MATR3: variants seen among roughly 807,000 people sequenced by gnomAD.
MATR3 encodes the protein matrin 3.
In MATR3, 4 loss-of-function variants were observed where a neutral mutation model predicts 85.5. The ratio of observed to expected loss-of-function variants is 0.05; its 90% confidence interval spans 0.02 to 0.11. The LOEUF (loss-of-function observed/expected upper bound fraction) is 0.11, where lower values mean the gene tolerates loss of function less well. Ranked by LOEUF, MATR3 falls within the 10% of genes least tolerant of loss-of-function variation. The pLI is 1.00. For missense variants in MATR3, 685 were observed against 1,016.1 expected (o/e 0.67, Z 4.43); for synonymous variants, 336 against 343.1 (o/e 0.98, Z 0.23).
chr5:139,322,311 G>T (rs1755613477), intron 10 of MATR3, 152 bp from the exon 11 acceptor site: 3 of 809,460 alleles, frequency 3.7e-6, no homozygotes, highest in Non-Finnish European at 6.2e-6. Context: ...GTATGGTCAT[G>T]ATGAATGTCT....
intron 5 of MATR3, among the ~76,000 whole-genome samples, chr5:139,316,848 A>G (rs1561938695): frequency 6.6e-6 from 1 of 152,168 alleles, no homozygotes; most frequent in African/African-American, 2.4e-5. Flanking sequence ...ACCCGGCCCC[A>G]TTCTGAAAAT....
At chr5:139,327,681 A>G (rs2152028754) in intron 14 of MATR3, among the ~76,000 whole-genome samples, 1 of 152,188 alleles carries the variant, frequency 6.6e-6, no homozygotes, top group South Asian at 2.1e-4. Context: ...TCAGCCTCCC[A>G]AAATGCTGGG....
At chr5:139,294,404 C>G (rs1437879718) in intron 1 of MATR3, 17 of 180,270 alleles carry the variant, frequency 9.4e-5, no homozygotes, top group Non-Finnish European at 2.0e-4. Flanking sequence ...CTTTCTTTTC[C>G]CGGTGTCTCG....
chr5:139,275,142 ATTTTTTTTTTTTT>A lies in MATR3; in HGVS notation c.-286-963_-286-951del, dbSNP rs750841386. Among the ~76,000 whole-genome samples, 12 of 40,910 alleles carry A rather than the reference ATTTTTTTTTTTTT, an allele frequency of 2.9e-4. 1 individual carries two copies. The highest frequency in any genetic ancestry group is 1.7e-3 in the South Asian group (1 of 592). 26.8% of individuals were successfully genotyped at this position (40,910 alleles called of 152,430 possible). A position where few individuals can be genotyped will look rare whatever the true frequency, so the allele number is the denominator to read the frequency against. On this transcript the variant is annotated intron_variant, in intron 1 of 16. Coordinates refer to ENST00000509990, the Ensembl canonical transcript of MATR3. The stretch of plus-strand genomic sequence containing the variant: ...AGGTGCCCGCCACCACGCCCGGCTA[ATTTTTTTTTTTTT>A]TTTTTTTTTTTTTTTGTATTTTTAG...
At chr5:139,288,187 C>G (rs931305412) in intron 3 of MATR3, among the ~76,000 whole-genome samples, 1 of 152,136 alleles carries the variant, frequency 6.6e-6, no homozygotes, top group African/African-American at 2.4e-5. Context: ...GCACTCCAGC[C>G]TGGGAAACAC....
rs564819602 is a variant in MATR3, at chr5:139,303,107, T to C, written c.-177-4132T>C. Among the ~76,000 whole-genome samples, 3 of 152,202 alleles carry C rather than the reference T, an allele frequency of 2.0e-5. No homozygotes were observed. The South Asian group carries it at 6.2e-4, about 32-fold the overall frequency. ...GAGAAGAGAAAAATTATTTTTTTAT[T>C]TGTTTTGTTTTTTGAGACGATGTTT... On this transcript the variant is annotated intron_variant, in intron 1 of 14. Coordinates refer to ENST00000394805, the MANE Select transcript of MATR3 (RefSeq NM_018834.6).
In MATR3 at chr5:139,326,298, TA is replaced by T; in HGVS notation, c.2493+18del. ...CAGAAATTAAAGGTAAGGTTGAATG[TA>T]AAACAGTTCTTTTGTGAAAACTTAA... On this transcript the variant is annotated intron_variant, in intron 14 of 14. Coordinates refer to ENST00000394805, the MANE Select transcript of MATR3 (RefSeq NM_018834.6). The T allele has an allele frequency of 1.2e-6, 2 of 1,610,648 alleles. No individual in the cohort carries two copies. The highest frequency in any genetic ancestry group is 2.2e-5 in the South Asian group (2 of 91,040).
chr5:139,293,016 C>T (rs778712194), upstream of MATR3, among the ~76,000 whole-genome samples: 1 of 152,128 alleles, frequency 6.6e-6, no homozygotes, highest in Non-Finnish European at 1.5e-5. Flanking sequence ...TGCTGAGAGG[C>T]GGAGGCGGGA....
At chr5:139,321,062 T>A (rs981728650) in intron 9 of MATR3, among the ~76,000 whole-genome samples, 11 of 151,940 alleles carry the variant, frequency 7.2e-5, no homozygotes, top group Admixed American at 7.2e-4. Context: ...GCCAGCTTAT[T>A]ACTTTTTTGC....
At chr5:139,276,805 A>C (rs1753294053) in intron 2 of MATR3, among the ~76,000 whole-genome samples, 1 of 152,188 alleles carries the variant, frequency 6.6e-6, no homozygotes, top group Non-Finnish European at 1.5e-5. Flanking sequence ...CCACCATAAA[A>C]GCTAGTCATG....
chr5:139,329,927 T>C lies in MATR3; in HGVS notation c.*532T>C, dbSNP rs1324093319. Reference sequence around the variant, plus strand: ...CAATTGAAATGCAGGTGCAGTTTTCTGTTAATGTCATGCTGTTGTTTAGGT... The same window carrying C: ...CAATTGAAATGCAGGTGCAGTTTTCCGTTAATGTCATGCTGTTGTTTAGGT... On this transcript the variant is annotated 3_prime_UTR_variant, in exon 15 of 15. Coordinates refer to ENST00000394805, the MANE Select transcript of MATR3 (RefSeq NM_018834.6). The C allele has an allele frequency of 1.1e-5, 5 of 454,454 alleles. No homozygotes were observed. The highest frequency in any genetic ancestry group is 2.0e-5 in the African/African-American group (1 of 50,022). 28.2% of individuals were successfully genotyped at this position (454,454 alleles called of 1,614,324 possible). A position where few individuals can be genotyped will look rare whatever the true frequency, so the allele number is the denominator to read the frequency against.
chr5:139,317,974 C>T (rs1300500751), intron 7 of MATR3, among the ~76,000 whole-genome samples: 2 of 152,060 alleles, frequency 1.3e-5, no homozygotes, highest in African/African-American at 4.8e-5. Context: ...AAGGAAAATT[C>T]TGTGGAAAGC....
Position 139,283,752 on chromosome 5 carries a change from T to G in MATR3, c.-178+4623T>G, listed in dbSNP as rs183069967. ...TATCTTGCTATGGTCTGTCAAGCCT[T>G]ATACAATCTAGCCTTATCTCTCTCA... On this transcript the variant is annotated intron_variant, in intron 3 of 16. Transcript: ENST00000509990. 3.3e-5 allele frequency among the ~76,000 whole-genome samples: 5 copies of G among 152,374 alleles called. 1 individual carries two copies. The highest frequency in any genetic ancestry group is 3.3e-4 in the Admixed American group (5 of 15,310).
At chr5:139,295,163 T>C (rs180866305) in intron 1 of MATR3, among the ~76,000 whole-genome samples, 1 of 152,350 alleles carries the variant, frequency 6.6e-6, no homozygotes, top group East Asian at 1.9e-4. Flanking sequence ...GTTTAAAATT[T>C]CCCTTTAAAA....
At chr5:139,315,913 T>C (rs1303646589) in intron 4 of MATR3, 163 bp from the exon 5 acceptor site, 2 of 749,768 alleles carry the variant, frequency 2.7e-6, no homozygotes, top group Non-Finnish European at 2.3e-6. Flanking sequence ...TAGTAATTTG[T>C]ATTCTTTTAT....
At chr5:139,323,703 G>T (rs1755695930) in intron 12 of MATR3, among the ~76,000 whole-genome samples, 1 of 152,134 alleles carries the variant, frequency 6.6e-6, no homozygotes, top group Non-Finnish European at 1.5e-5. Flanking sequence ...AGGAGTTCAA[G>T]ACCAACATGG....
chr5:139,280,271 G>C (rs1294683925), intron 3 of MATR3, among the ~76,000 whole-genome samples: 2 of 152,168 alleles, frequency 1.3e-5, no homozygotes, highest in Non-Finnish European at 2.9e-5. Flanking sequence ...CTTATTTTGA[G>C]AGCCATACAA....
At position 139,324,034 on chromosome 5, in the gene MATR3, T is replaced by C. The variant is rs571871023; in HGVS notation, c.2148+1067T>C. Among the ~76,000 whole-genome samples, 116 of 152,380 alleles carry C rather than the reference T, an allele frequency of 7.6e-4. 2 individuals carry two copies. The highest frequency in any genetic ancestry group is 2.8e-3 in the Admixed American group (43 of 15,306). On this transcript the variant is annotated intron_variant, in intron 12 of 14. Transcript: ENST00000394805. The stretch of plus-strand genomic sequence containing the variant: ...TTGGTCAAATAACTTCATTAATTTT[T>C]CTCACTAGAGCTGATCATTATGTTT...
At chr5:139,325,144 G>T (rs949367511) in intron 12 of MATR3, among the ~76,000 whole-genome samples, 1 of 151,702 alleles carries the variant, frequency 6.6e-6, no homozygotes, top group South Asian at 2.1e-4. Flanking sequence ...AGTGAGCCGA[G>T]ATCGCGCCAC....
Sources: gnomAD v4.1 joint callset for allele counts (sites outside exome capture counted in the v4.1 genomes callset) on GRCh38, gnomAD v4.1.1 for gene constraint, MANE v1.5 for transcripts, NCBI Gene and HGNC (gene_info 2026-07-23, HGNC 2026-07-21) for gene names.